Variants in RCAN2 observed in about 807,000 individuals in gnomAD.
RCAN2 encodes the protein calcipressin-2.
A neutral mutation model predicts 23.6 loss-of-function variants in RCAN2; 9 were observed. The ratio of observed to expected loss-of-function variants is 0.38; its 90% CI spans 0.23 to 0.67. RCAN2 has a LOEUF of 0.67. RCAN2 is among the 30% of genes least tolerant of loss of function. The pLI, the probability that RCAN2 is intolerant of heterozygous loss-of-function variation, is 0.51. For synonymous variants in RCAN2, 109 were observed against 115.7 expected (o/e 0.94, Z 0.37); for missense variants, 273 against 302.3 (o/e 0.90, Z 0.72).
chr6:46,341,521 G>A (rs1380833386), intron 2 of RCAN2, among the ~76,000 whole-genome samples: 13 of 152,276 alleles, frequency 8.5e-5, no homozygotes, highest in African/African-American at 2.2e-4. Flanking sequence ...GGCACTGGCC[G>A]GGGGCGGTGG....
chr6:46,420,046 T>G (rs947498109), intron 2 of RCAN2, among the ~76,000 whole-genome samples: 3 of 152,128 alleles, frequency 2.0e-5, no homozygotes, highest in Non-Finnish European at 4.4e-5. Context: ...CTTAAATTAT[T>G]TTACTTCATT....
At position 46,303,850 on chromosome 6, in the gene RCAN2, T is replaced by A. The variant is rs140077430; in HGVS notation, c.226-54954A>T. ...ACTGGTGACTAAATTTATTCATCTA[T>A]TTTTTGGTATGGACATTTGGATCTT... On this transcript the variant is annotated intron_variant, in intron 2 of 4. Transcript: ENST00000371374. Among the ~76,000 whole-genome samples, 1,137 of 152,230 alleles carry A rather than the reference T, an allele frequency of 7.5e-3. 11 individuals are homozygous for A. Among genetic ancestry groups the A allele is most frequent in the African/African-American group, 0.026 (1,092 of 41,556 alleles).
At chr6:46,461,147 T>G (rs1484172450) in intron 1 of RCAN2, among the ~76,000 whole-genome samples, 2 of 152,174 alleles carry the variant, frequency 1.3e-5, no homozygotes, top group East Asian at 3.8e-4. Flanking sequence ...CTGCTAACAT[T>G]TTGGTATATT....
chr6:46,325,335 G>C, intron 2 of RCAN2: 1 of 1,592,752 alleles, frequency 6.3e-7, no homozygotes, highest in Non-Finnish European at 8.6e-7. Flanking sequence ...TGCTAAAAAG[G>C]CTCTGCCAAG....
At chr6:46,421,995 G>C (rs748592838) in intron 2 of RCAN2, among the ~76,000 whole-genome samples, 1 of 152,118 alleles carries the variant, frequency 6.6e-6, no homozygotes, top group Non-Finnish European at 1.5e-5. Flanking sequence ...CTACGTATAG[G>C]ACCATAAGAA....
intron 2 of RCAN2, among the ~76,000 whole-genome samples, chr6:46,337,819 C>T (rs1245289621): frequency 6.6e-6 from 1 of 152,188 alleles, no homozygotes; most frequent in African/African-American, 2.4e-5. Flanking sequence ...GTGCCCTCTG[C>T]CTTTATTTTA....
chr6:46,257,086 C>T (rs1370892722), intron 2 of RCAN2, among the ~76,000 whole-genome samples: 4 of 152,104 alleles, frequency 2.6e-5, no homozygotes, highest in African/African-American at 4.8e-5. Flanking sequence ...AAACAAGCAG[C>T]GATTGGTCTG....
At chr6:46,273,051 T>C (rs1452039865) in intron 2 of RCAN2, among the ~76,000 whole-genome samples, 1 of 152,236 alleles carries the variant, frequency 6.6e-6, no homozygotes, top group African/African-American at 2.4e-5. Flanking sequence ...TAAGCCTTCA[T>C]GGACCTTAGC....
chr6:46,420,363 G>A (rs1487454377), intron 2 of RCAN2, among the ~76,000 whole-genome samples: 2 of 152,056 alleles, frequency 1.3e-5, no homozygotes, highest in Admixed American at 1.3e-4. Context: ...TATCTATATA[G>A]CACTGACTGT....
At position 46,476,686 on chromosome 6, in the gene RCAN2, C is replaced by T. The variant is rs544160520; in HGVS notation, c.-3+14487G>A. ...AGAGTGATAGGAGTAATAGGAGTAT[C>T]TTTTGTGAAAATATTTTGTCTTTTG... is the stretch of plus-strand genomic sequence containing the variant. On this transcript the variant is annotated intron_variant, in intron 1 of 4. Coordinates refer to ENST00000371374, the MANE Select transcript of RCAN2 (RefSeq NM_001251974.2). 2.6e-5 allele frequency among the ~76,000 whole-genome samples: 4 copies of T among 152,236 alleles called. 1 individual carries two copies. Among genetic ancestry groups the T allele is most frequent in the African/African-American group, 9.6e-5 (4 of 41,544 alleles).
chr6:46,332,930 G>T (rs2150368041), intron 2 of RCAN2, among the ~76,000 whole-genome samples: 1 of 152,344 alleles, frequency 6.6e-6, no homozygotes, highest in African/African-American at 2.4e-5. Flanking sequence ...CAACAACAGT[G>T]TAAAAGTGTT....
At chr6:46,259,065 G>A (rs1767022148) in intron 2 of RCAN2, among the ~76,000 whole-genome samples, 1 of 152,012 alleles carries the variant, frequency 6.6e-6, no homozygotes, top group Admixed American at 6.6e-5. Flanking sequence ...GCGCACCTGT[G>A]GACTCAGCCA....
chr6:46,467,063 A>G (rs1210526728), intron 1 of RCAN2, among the ~76,000 whole-genome samples: 1 of 151,956 alleles, frequency 6.6e-6, no homozygotes, highest in Non-Finnish European at 1.5e-5. Flanking sequence ...ACTGATTGCT[A>G]TTGTCTTGCG....
chr6:46,473,817 C>T (rs1414301978), intron 1 of RCAN2, among the ~76,000 whole-genome samples: 1 of 152,142 alleles, frequency 6.6e-6, no homozygotes, highest in Non-Finnish European at 1.5e-5. Flanking sequence ...TAGGGGCACT[C>T]TTCATATAAA....
chr6:46,436,743 C>G (rs1242075254), intron 2 of RCAN2, among the ~76,000 whole-genome samples: 1 of 152,190 alleles, frequency 6.6e-6, no homozygotes, highest in African/African-American at 2.4e-5. Context: ...GGTCGCACAA[C>G]TAATAAGCAG....
chr6:46,383,106 T>C (rs985749773), intron 2 of RCAN2, among the ~76,000 whole-genome samples: 4 of 151,396 alleles, frequency 2.6e-5, no homozygotes, highest in African/African-American at 9.7e-5. Context: ...ATAAAAGTGA[T>C]AAGAGTAGAG....
At chr6:46,254,992 C>T (rs954978990) in intron 2 of RCAN2, among the ~76,000 whole-genome samples, 1 of 152,018 alleles carries the variant, frequency 6.6e-6, no homozygotes, top group Non-Finnish European at 1.5e-5. Flanking sequence ...GAGGTATCAC[C>T]GCACTGCTGA....
chr6:46,319,362 A>T (rs1582100043), intron 2 of RCAN2, among the ~76,000 whole-genome samples: 1 of 152,224 alleles, frequency 6.6e-6, no homozygotes, highest in East Asian at 1.9e-4. Flanking sequence ...TGAATTTTAC[A>T]TTAAAATCTG....
chr6:46,381,151 C>G (rs1266748572), intron 2 of RCAN2, among the ~76,000 whole-genome samples: 1 of 152,152 alleles, frequency 6.6e-6, no homozygotes, highest in Admixed American at 6.5e-5. Flanking sequence ...TTTTCATATT[C>G]CCTCCCCCAT....
Sources: allele counts gnomAD v4.1 joint callset (sites outside exome capture counted in the v4.1 genomes callset), GRCh38; gene constraint gnomAD v4.1.1; transcripts MANE v1.5; gene names NCBI Gene and HGNC (gene_info 2026-07-23, HGNC 2026-07-21).